The following TSPEAR variants were observed in gnomAD, a reference collection of about 807,000 sequenced individuals.
The protein encoded by TSPEAR is thrombospondin-type laminin G domain and EAR repeat-containing protein.
In TSPEAR, 69 loss-of-function variants were observed where a neutral mutation model predicts 71.6. The ratio of observed to expected loss-of-function variants is 0.96; its 90% CI spans 0.79 to 1.18. The LOEUF (loss-of-function observed/expected upper bound fraction) is 1.18, where lower values mean the gene tolerates loss of function less well. Among genes scored for constraint, TSPEAR ranks in the 50% most tolerant of loss-of-function variants. TSPEAR has a pLI of 0.00. For missense variants in TSPEAR, 971 were observed against 894.9 expected, an observed-to-expected ratio of 1.09 and a Z score of -1.09; for synonymous variants, 402 against 387.2, an observed-to-expected ratio of 1.04 and a Z score of -0.45.
At chr21:44,668,928 A>AT (rs1370389181) in intron 1 of TSPEAR, among the ~76,000 whole-genome samples, 2 of 152,184 alleles carry the variant, frequency 1.3e-5, no homozygotes, top group African/African-American at 4.8e-5. Context: ...AATTGAAACT[A>AT]TTTTTTAAAT....
chr21:44,501,457 TGTG>T (rs1601311241), intron 11 of TSPEAR, among the ~76,000 whole-genome samples: 2 of 152,032 alleles, frequency 1.3e-5, no homozygotes, highest in East Asian at 3.9e-4. Flanking sequence ...ATTAGCCAGG[TGTG>T]GTGGCAGGTG....
intron 2 of TSPEAR, among the ~76,000 whole-genome samples, chr21:44,555,679 C>T (rs1304522676): frequency 6.6e-6 from 1 of 152,080 alleles, no homozygotes; most frequent in Non-Finnish European, 1.5e-5. Context: ...ATCCCACCCC[C>T]CTTCACAAGC....
At chr21:44,690,835 G>A (rs1987093474) in intron 1 of TSPEAR, among the ~76,000 whole-genome samples, 1 of 152,168 alleles carries the variant, frequency 6.6e-6, no homozygotes, top group South Asian at 2.1e-4. Flanking sequence ...CTAGCATCAA[G>A]CTTCTGGGCT....
chr21:44,608,358 T>A (rs1366909800), intron 1 of TSPEAR, among the ~76,000 whole-genome samples: 1 of 152,218 alleles, frequency 6.6e-6, no homozygotes, highest in African/African-American at 2.4e-5. Flanking sequence ...CCCATCTCTG[T>A]GTTAAGTGAC....
intron 9 of TSPEAR, among the ~76,000 whole-genome samples, chr21:44,514,365 T>C (rs2052491490): frequency 6.6e-6 from 1 of 152,022 alleles, no homozygotes; most frequent in Admixed American, 6.5e-5. Flanking sequence ...TGGAAGCGAG[T>C]ACACACACGT....
At chr21:44,708,121 G>A (rs1988035519) in intron 1 of TSPEAR, among the ~76,000 whole-genome samples, 2 of 152,098 alleles carry the variant, frequency 1.3e-5, no homozygotes, top group South Asian at 4.1e-4. Flanking sequence ...GTGCAAGTGT[G>A]CGCTGGGGGT....
intron 1 of TSPEAR, chr21:44,627,957 C>A: frequency 1.3e-6 from 2 of 1,517,482 alleles, no homozygotes; most frequent in South Asian, 1.2e-5. Flanking sequence ...CCAGCTATTG[C>A]CGCCAGGCCT....
intron 1 of TSPEAR, among the ~76,000 whole-genome samples, chr21:44,683,569 T>A (rs1484481153): frequency 6.6e-6 from 1 of 152,128 alleles, no homozygotes; most frequent in African/African-American, 2.4e-5. Flanking sequence ...CACGGTAGGT[T>A]GAGGCAGGAG....
At chr21:44,675,763 C>A in intron 1 of TSPEAR, 3 of 517,196 alleles carry the variant, frequency 5.8e-6, no homozygotes, top group South Asian at 4.4e-5. Flanking sequence ...TACTTGTAAG[C>A]CTGCTCATGT....
At chr21:44,591,586 G>T in intron 1 of TSPEAR, 2 of 1,613,174 alleles carry the variant, frequency 1.2e-6, no homozygotes, top group Non-Finnish European at 1.7e-6. Context: ...GGAGGAGGAG[G>T]ATCTGCAGCA....
Position 44,508,454 on chromosome 21 carries a change from C to T in TSPEAR, c.1754+745G>A, listed in dbSNP as rs114314157. 2,796 of 1,017,326 alleles carry T rather than the reference C, an allele frequency of 2.7e-3. 41 individuals are homozygous for T. The African/African-American group carries it at 0.033, about 12-fold the overall frequency. 63.0% of individuals were successfully genotyped at this position (1,017,326 alleles called of 1,614,324 possible). A position where few individuals can be genotyped will look rare whatever the true frequency, so the allele number is the denominator to read the frequency against. On this transcript the variant is annotated intron_variant, in intron 10 of 11. Coordinates refer to ENST00000323084, the MANE Select transcript of TSPEAR (RefSeq NM_144991.3). ...GCTCCATCCCAGGATGGGAATGGGC[C>T]AGATTCCAGCTCCAAGCTTGACCCA...
At chr21:44,511,610 C>T (rs1199114954) in intron 9 of TSPEAR, among the ~76,000 whole-genome samples, 1 of 152,260 alleles carries the variant, frequency 6.6e-6, no homozygotes, top group Non-Finnish European at 1.5e-5. Context: ...CATCTACACA[C>T]ACACATGCAC....
intron 1 of TSPEAR, chr21:44,580,557 C>A: frequency 1.9e-6 from 3 of 1,612,838 alleles, no homozygotes; most frequent in South Asian, 2.2e-5. Flanking sequence ...CTGGAGCAGA[C>A]GGACATGGTG....
intron 1 of TSPEAR, among the ~76,000 whole-genome samples, chr21:44,572,489 C>T (rs1282014327): frequency 6.6e-6 from 1 of 152,066 alleles, no homozygotes; most frequent in Admixed American, 6.5e-5. Flanking sequence ...GCAAAGGCTG[C>T]TGAGTGCCCA....
chr21:44,579,775 G>C (rs587684790), intron 1 of TSPEAR: 2 of 1,611,442 alleles, frequency 1.2e-6, no homozygotes, highest in Non-Finnish European at 8.5e-7. Context: ...AGCAGGCCAG[G>C]GGGGAGCACG....
chr21:44,653,335 G>A (rs1262697562), intron 1 of TSPEAR, among the ~76,000 whole-genome samples: 1 of 152,096 alleles, frequency 6.6e-6, no homozygotes, highest in Non-Finnish European at 1.5e-5. Context: ...TGCACGTGCT[G>A]ACCTCCCGCC....
chr21:44,536,325 T>C (rs1201595560), intron 2 of TSPEAR, among the ~76,000 whole-genome samples: 2 of 152,234 alleles, frequency 1.3e-5, no homozygotes, highest in African/African-American at 2.4e-5. Flanking sequence ...TTTTGGGCCC[T>C]TGGGTGATAT....
chr21:44,618,252 T>A (rs1234498174), intron 1 of TSPEAR, among the ~76,000 whole-genome samples: 2 of 152,222 alleles, frequency 1.3e-5, no homozygotes, highest in Non-Finnish European at 2.9e-5. Flanking sequence ...TTCCCTGCTC[T>A]CACTTGCTTC....
intron 1 of TSPEAR, chr21:44,574,112 C>G (rs781789565): frequency 1.6e-5 from 25 of 1,596,506 alleles, no homozygotes; most frequent in East Asian, 9.1e-5. Flanking sequence ...GCAAGACTGT[C>G]TGCTGCAAGC....
Sources: allele counts gnomAD v4.1 joint callset (sites outside exome capture counted in the v4.1 genomes callset), GRCh38; gene constraint gnomAD v4.1.1; transcripts MANE v1.5; gene names NCBI Gene and HGNC (gene_info 2026-07-23, HGNC 2026-07-21).